ZNF585A: variants seen among roughly 807,000 people sequenced by gnomAD.
ZNF585A encodes the protein zinc finger protein 585A.
ZNF585A carries 9 observed loss-of-function variants against 14.9 expected under a neutral mutation model. The observed-to-expected ratio is 0.60, with a 90% CI of 0.36 to 1.05. The LOEUF (loss-of-function observed/expected upper bound fraction) is 1.05. Ranked by LOEUF, ZNF585A falls within the 50% of genes least tolerant of loss-of-function variation. The probability of loss-of-function intolerance (pLI) is 0.01; values close to 1 mark genes in which losing one functional copy is unlikely to be tolerated. For missense variants in ZNF585A, 726 were observed against 926.4 expected, an observed-to-expected ratio of 0.78 and a Z score of 2.81; for synonymous variants, 276 against 319.9, an observed-to-expected ratio of 0.86 and a Z score of 1.46.
chr19:37,161,454 C>T (rs1035610009), intron 2 of ZNF585A, among the ~76,000 whole-genome samples: 7 of 152,202 alleles, frequency 4.6e-5, no homozygotes, highest in Admixed American at 1.3e-4. Flanking sequence ...AGATCAGAGA[C>T]TCATTGCACA....
At chr19:37,156,420 G>T in intron 2 of ZNF585A, 65 bp from the exon 3 acceptor site, 2 of 1,563,676 alleles carry the variant, frequency 1.3e-6, no homozygotes, top group East Asian at 2.3e-5. Flanking sequence ...ACTATATTTA[G>T]GAATATGGAA....
chr19:37,157,229 T>A (rs905061679), intron 2 of ZNF585A, among the ~76,000 whole-genome samples: 3 of 152,234 alleles, frequency 2.0e-5, no homozygotes, highest in African/African-American at 7.2e-5. Flanking sequence ...TTTCTGCTAT[T>A]TGTTCTGTAC....
chr19:37,155,832 C>T (rs1459757654), intron 4 of ZNF585A, 33 bp downstream of exon 4: 1 of 1,608,576 alleles, frequency 6.2e-7, no homozygotes, highest in Admixed American at 1.7e-5. Context: ...CCTCCCATCT[C>T]CCATCTACCG....
rs1159100537 is a variant in ZNF585A, at chr19:37,149,134, G to A, written c.*2455C>T. 6.6e-6 allele frequency: 1 copy of A among 152,108 alleles called. No homozygotes were observed. Among genetic ancestry groups the A allele is most frequent in the African/African-American group, 2.4e-5 (1 of 41,420 alleles). The allele number at this position is 152,108 out of a possible 1,614,324, so 9.4% of individuals were successfully genotyped here. A position where few individuals can be genotyped will look rare whatever the true frequency, so the allele number is the denominator to read the frequency against. ...CATTCTATGGTGTTACACCAAGGATGAACCCTAATATAACCTATAGACTTG... is the reference window on the plus strand; with the variant it reads ...CATTCTATGGTGTTACACCAAGGATAAACCCTAATATAACCTATAGACTTG... On this transcript the variant is annotated 3_prime_UTR_variant, in exon 5 of 5. Transcript: ENST00000292841.
Position 37,153,430 on chromosome 19 carries a change from GC to G in ZNF585A, c.468del (p.Lys156AsnfsTer26). 1 of 1,614,168 alleles carries G rather than the reference GC, an allele frequency of 6.2e-7. No homozygotes were observed. The highest frequency in any genetic ancestry group is 2.2e-5 in the East Asian group (1 of 44,880). ...KVHLKVLAGE[K>X]LYVCIECGKA... Reference sequence around the variant, plus strand: ...TTCCCACATTCAATGCATACATAGAGCTTTTCTCCTGCAAGAACTTTCAGGT... The same window carrying G: ...TTCCCACATTCAATGCATACATAGAGTTTTCTCCTGCAAGAACTTTCAGGT... On this transcript the variant is annotated frameshift_variant, in exon 5 of 5. Coordinates refer to ENST00000292841, the MANE Select transcript of ZNF585A (RefSeq NM_001288800.2). LOFTEE classifies it low-confidence loss of function (END_TRUNC).
rs1364106936 is a variant in ZNF585A, at chr19:37,153,623, A to G, written c.293-17T>C. On this transcript the variant is annotated splice_polypyrimidine_tract_variant and intron_variant, in intron 4 of 4. Coordinates refer to ENST00000292841, the MANE Select transcript of ZNF585A (RefSeq NM_001288800.2). ...ATTTCTCTCCTGTTGGAATACACTCATGGTTACTATAGGAAGACATTTTAT... is the reference window on the plus strand; with the variant it reads ...ATTTCTCTCCTGTTGGAATACACTCGTGGTTACTATAGGAAGACATTTTAT... 6 of 1,556,050 alleles carry G rather than the reference A, an allele frequency of 3.9e-6. No homozygotes were observed.
At chr19:37,160,622 A>G (rs1971999297) in intron 2 of ZNF585A, among the ~76,000 whole-genome samples, 1 of 151,958 alleles carries the variant, frequency 6.6e-6, no homozygotes, top group Non-Finnish European at 1.5e-5. Flanking sequence ...AAATATCATT[A>G]TAGATGCAGC....
chr19:37,155,989 C>T (rs1192878738), intron 3 of ZNF585A, 32 bp from the exon 4 acceptor site: 1 of 1,613,498 alleles, frequency 6.2e-7, no homozygotes. Context: ...GGTCTGGGTC[C>T]AGCTAATTGT....
intron 1 of ZNF585A, among the ~76,000 whole-genome samples, chr19:37,170,473 A>G (rs899638794): frequency 1.3e-5 from 2 of 152,236 alleles, no homozygotes; most frequent in African/African-American, 4.8e-5. Flanking sequence ...CTTTTCACCT[A>G]TGAGAACAGA....
chr19:37,167,625 T>TTTTATTTTATTTTATTTTATTTTA (rs1972117103), intron 2 of ZNF585A, among the ~76,000 whole-genome samples: 1 of 147,346 alleles, frequency 6.8e-6, no homozygotes, highest in African/African-American at 2.7e-5. Context: ...TTTTATTTTA[T>TTTTATTTTATTTTATTTTATTTTA]TTTATTTTAT....
chr19:37,157,362 G>C (rs1203657926), intron 2 of ZNF585A, among the ~76,000 whole-genome samples: 1 of 152,108 alleles, frequency 6.6e-6, no homozygotes, highest in Non-Finnish European at 1.5e-5. Flanking sequence ...GAGCCCTTAT[G>C]CTAGCCCTGG....
rs756389619 is a variant in ZNF585A at position 37,155,944 on chromosome 19, A to G, written c.213T>C (p.Pro71=). 1 of 1,613,512 alleles carries G rather than the reference A, an allele frequency of 6.2e-7. No homozygotes were observed. Among genetic ancestry groups the G allele is most frequent in the Non-Finnish European group, 8.5e-7 (1 of 1,180,020 alleles). The part of the protein sequence containing the change: ...SHLLSVGYQV[P]EAEVVMLEQG... ...GCTCCAACATGACCACCTCTGCTTC[A>G]GGAACTTGATATCCTGTTCATGGGA... is the stretch of plus-strand genomic sequence containing the variant. The change falls in exon 4 of 5, where the codon CCT becomes CCC. Residue 71 remains proline, a synonymous_variant. Coordinates refer to ENST00000292841, the MANE Select transcript of ZNF585A (RefSeq NM_001288800.2).
chr19:37,162,599 A>G (rs745658734), intron 2 of ZNF585A, among the ~76,000 whole-genome samples: 1 of 152,216 alleles, frequency 6.6e-6, no homozygotes, highest in Non-Finnish European at 1.5e-5. Context: ...GATAAACTGG[A>G]TAAAGAAAAT....
chr19:37,169,791 C>A (rs572374234), intron 2 of ZNF585A, 48 bp downstream of exon 2: 7 of 1,601,812 alleles, frequency 4.4e-6, no homozygotes, highest in Non-Finnish European at 5.1e-6. Context: ...ACCAGAGATA[C>A]CTAGTCCTGG....
At chr19:37,171,574 T>A (rs1972180708) in intron 1 of ZNF585A, among the ~76,000 whole-genome samples, 6 of 152,174 alleles carry the variant, frequency 3.9e-5, no homozygotes, top group Admixed American at 3.9e-4. Flanking sequence ...ATTGTTATAT[T>A]TTGAGCTACT....
rs922257328 is a variant in ZNF585A, at chr19:37,145,758, C to T, written c.*5831G>A. ...TGCTGATTTCACAGAGGGTGGAAAA[C>T]ATCAGCCCAGGGGTGGGACTACTGT... On this transcript the variant is annotated 3_prime_UTR_variant, in exon 5 of 5. Coordinates refer to ENST00000292841, the MANE Select transcript of ZNF585A (RefSeq NM_001288800.2). 4 of 152,074 alleles carry T rather than the reference C, an allele frequency of 2.6e-5. No homozygotes were observed. The highest frequency in any genetic ancestry group is 9.7e-5 in the African/African-American group (4 of 41,404). 9.4% of individuals were successfully genotyped at this position (152,074 alleles called of 1,614,324 possible).
chr19:37,159,309 A>C (rs1599751189), intron 2 of ZNF585A, among the ~76,000 whole-genome samples: 2 of 151,862 alleles, frequency 1.3e-5, no homozygotes, highest in South Asian at 2.1e-4. Flanking sequence ...TGACAGGGAC[A>C]ATCGGTGAAA....
intron 2 of ZNF585A, among the ~76,000 whole-genome samples, chr19:37,168,614 A>G (rs1364256894): frequency 6.6e-6 from 1 of 152,252 alleles, no homozygotes; most frequent in Non-Finnish European, 1.5e-5. Context: ...AAAAATGATT[A>G]AGATACCCAA....
At chr19:37,170,363 A>G (rs1236164840) in intron 1 of ZNF585A, among the ~76,000 whole-genome samples, 1 of 152,224 alleles carries the variant, frequency 6.6e-6, no homozygotes, top group Non-Finnish European at 1.5e-5. Context: ...AGAACATAAA[A>G]TTTAACAAAA....
Sources: gnomAD v4.1 joint callset for allele counts (sites outside exome capture counted in the v4.1 genomes callset) on GRCh38, gnomAD v4.1.1 for gene constraint, MANE v1.5 for transcripts, NCBI Gene and HGNC (gene_info 2026-07-23, HGNC 2026-07-21) for gene names.